Variants in DNAH7 observed in about 807,000 individuals in gnomAD.
The protein encoded by DNAH7 is dynein axonemal heavy chain 7, also known as axonemal beta dynein heavy chain 7.
Under a neutral mutation model 444.6 loss-of-function variants are expected in DNAH7, and 397 were observed. That is an observed-to-expected ratio of 0.89 (90% CI 0.82 to 0.97). The LOEUF (loss-of-function observed/expected upper bound fraction) is 0.97, where lower values mean the gene tolerates loss of function less well. Among genes scored for constraint, DNAH7 ranks in the 50% least tolerant of loss-of-function variants. The pLI is 0.00. For synonymous variants in DNAH7, 1,636 were observed against 1,624.4 expected (o/e 1.01, Z -0.17); for missense variants, 4,902 against 4,800.8 (o/e 1.02, Z -0.62).
chr2:196,016,376 G>C (rs577321038), intron 9 of DNAH7, among the ~76,000 whole-genome samples: 4 of 152,296 alleles, frequency 2.6e-5, no homozygotes, highest in Admixed American at 2.6e-4. Flanking sequence ...TGTCAGCTGA[G>C]AAGAGGTATT....
At chr2:196,049,495 G>A (rs1270604302) in intron 3 of DNAH7, among the ~76,000 whole-genome samples, 1 of 152,162 alleles carries the variant, frequency 6.6e-6, no homozygotes, top group Non-Finnish European at 1.5e-5. Context: ...ACCTCTAGAA[G>A]CCTGAAGTCT....
intron 35 of DNAH7, among the ~76,000 whole-genome samples, chr2:195,883,727 G>A (rs954358184): frequency 3.9e-5 from 6 of 152,098 alleles, no homozygotes; most frequent in African/African-American, 9.7e-5. Context: ...GGGCACAGTC[G>A]CGCCTTTTGG....
intron 22 of DNAH7, among the ~76,000 whole-genome samples, chr2:195,925,569 C>T (rs539576135): frequency 1.3e-5 from 2 of 152,236 alleles, no homozygotes; most frequent in South Asian, 2.1e-4. Context: ...ACACCCTATT[C>T]CTTCTTGTAG....
chr2:195,763,050 CAA>C (rs1404641086), intron 61 of DNAH7, among the ~76,000 whole-genome samples: 6 of 152,118 alleles, frequency 3.9e-5, no homozygotes, highest in East Asian at 3.9e-4. Flanking sequence ...AAATCAATAA[CAA>C]GAGGAATTTT....
chr2:195,827,480 T>C (rs1352468478), intron 48 of DNAH7, among the ~76,000 whole-genome samples: 1 of 152,122 alleles, frequency 6.6e-6, no homozygotes, highest in African/African-American at 2.4e-5. Context: ...GGCTTCACCA[T>C]GTTGTTGCCC....
At chr2:196,023,537 A>T (rs115097624) in intron 8 of DNAH7, among the ~76,000 whole-genome samples, 2,362 of 152,218 alleles carry the variant, frequency 0.016, 52 homozygotes, top group African/African-American at 0.053. Context: ...CAGCTTCCTT[A>T]CCTTTCTCAG....
chr2:196,028,001 T>C lies in DNAH7; in HGVS notation c.445A>G (p.Ile149Val), dbSNP rs987028889. 1 of 1,612,108 alleles carries C rather than the reference T, an allele frequency of 6.2e-7. No individual in the cohort carries two copies. Residue 149 changes from isoleucine (I) to valine (V), a missense_variant, in exon 6 of 65, where the codon ATT becomes GTT. Physicochemically the swap from Ile to Val is conservative, Grantham distance 29 (BLOSUM62 3). Transcript: ENST00000312428. ...LDSAVPDGST[I>V]PKPTASAIEK... Reference sequence around the variant, plus strand: ...ATAGCAGAAGCGGTCGGTTTTGGAATTGTGCTTCCATCAGGGACAGCTGAG... The same window carrying C: ...ATAGCAGAAGCGGTCGGTTTTGGAACTGTGCTTCCATCAGGGACAGCTGAG...
At chr2:195,806,889 T>G (rs1459528794) in intron 53 of DNAH7, 57 bp from the exon 54 acceptor site, 2 of 1,415,740 alleles carry the variant, frequency 1.4e-6, no homozygotes, top group Admixed American at 1.8e-5. Context: ...AGAACAGTAT[T>G]TTCACTTATA....
intron 51 of DNAH7, among the ~76,000 whole-genome samples, chr2:195,816,310 T>TA (rs1351513271): frequency 6.6e-6 from 1 of 152,196 alleles, no homozygotes; most frequent in Non-Finnish European, 1.5e-5. Flanking sequence ...AGTCATATTT[T>TA]AAAAATTATT....
chr2:195,755,119 T>C (rs1339241508), intron 62 of DNAH7, among the ~76,000 whole-genome samples: 1 of 152,228 alleles, frequency 6.6e-6, no homozygotes, highest in African/African-American at 2.4e-5. Context: ...TCATGTTACA[T>C]AGTTGAACAG....
At chr2:195,904,326 T>C (rs1328348391) in intron 27 of DNAH7, 1 of 150,984 alleles carries the variant, frequency 6.6e-6, no homozygotes, top group Non-Finnish European at 1.5e-5. Flanking sequence ...AGGATGACCA[T>C]GAATTTGTCA....
intron 46 of DNAH7, among the ~76,000 whole-genome samples, chr2:195,848,257 G>T (rs1574555268): frequency 6.6e-6 from 1 of 152,364 alleles, no homozygotes; most frequent in East Asian, 1.9e-4. Flanking sequence ...TGACATTCAT[G>T]ACCTTGATAA....
intron 23 of DNAH7, among the ~76,000 whole-genome samples, chr2:195,923,339 T>A (rs1282290023): frequency 5.3e-5 from 8 of 152,198 alleles, no homozygotes; most frequent in Non-Finnish European, 1.5e-5. Flanking sequence ...CTCATCATTT[T>A]CGTGTATCTA....
intron 33 of DNAH7, 130 bp from the exon 34 acceptor site, chr2:195,886,402 A>C (rs1701715293): frequency 2.3e-5 from 17 of 741,920 alleles, no homozygotes; most frequent in Non-Finnish European, 3.4e-5. Flanking sequence ...ACTACCTACG[A>C]GTAGGTACTA....
intron 12 of DNAH7, among the ~76,000 whole-genome samples, chr2:195,990,819 A>T (rs978708990): frequency 3.5e-5 from 5 of 141,780 alleles, no homozygotes; most frequent in Admixed American, 7.0e-5. Context: ...GTGTATATAT[A>T]TATACTTAAA....
intron 46 of DNAH7, among the ~76,000 whole-genome samples, chr2:195,846,287 T>C (rs775561048): frequency 6.6e-6 from 1 of 152,026 alleles, no homozygotes; most frequent in Non-Finnish European, 1.5e-5. Flanking sequence ...ATTAGAGAAA[T>C]ACAAATCCAA....
At chr2:195,898,163 T>G (rs1702446744) in intron 28 of DNAH7, among the ~76,000 whole-genome samples, 1 of 152,176 alleles carries the variant, frequency 6.6e-6, no homozygotes, top group Non-Finnish European at 1.5e-5. Context: ...AAAGAGGCAT[T>G]TAAATTTAAA....
At chr2:195,999,153 G>T in intron 12 of DNAH7, 1 of 717,438 alleles carries the variant, frequency 1.4e-6, no homozygotes, top group African/African-American at 1.7e-5. Flanking sequence ...TAAAATGAGA[G>T]TTCTGAGGAG....
intron 35 of DNAH7, among the ~76,000 whole-genome samples, chr2:195,883,047 A>G (rs1430092037): frequency 3.9e-5 from 6 of 152,194 alleles, no homozygotes; most frequent in African/African-American, 1.4e-4. Context: ...TTGTATTATA[A>G]AGAAATATTT....
Sources: allele counts gnomAD v4.1 joint callset (sites outside exome capture counted in the v4.1 genomes callset), GRCh38; gene constraint gnomAD v4.1.1; transcripts MANE v1.5; gene names NCBI Gene and HGNC (gene_info 2026-07-23, HGNC 2026-07-21).